Variants in EGFR observed in about 807,000 individuals in gnomAD.
EGFR encodes the protein avian erythroblastic leukemia viral (v-erb-b) oncogene homolog.
A neutral mutation model predicts 143.0 loss-of-function variants in EGFR; 58 were observed. That is an observed-to-expected ratio of 0.41 (90% CI 0.33 to 0.50). The LOEUF (loss-of-function observed/expected upper bound fraction) is 0.50. Ranked by LOEUF, EGFR falls within the 20% of genes least tolerant of loss-of-function variation. The pLI, the probability that EGFR is intolerant of heterozygous loss-of-function variation, is 0.39. For missense variants in EGFR, 1,307 were observed against 1,579.0 expected, an observed-to-expected ratio of 0.83 and a Z score of 2.92; for synonymous variants, 613 against 594.4, an observed-to-expected ratio of 1.03 and a Z score of -0.45.
At chr7:55,028,757 A>G (rs1787082273) in intron 1 of EGFR, among the ~76,000 whole-genome samples, 4 of 152,154 alleles carry the variant, frequency 2.6e-5, no homozygotes, top group Admixed American at 2.0e-4. Flanking sequence ...ATATTTTAAT[A>G]TATTATTAGA....
At chr7:55,193,160 G>A (rs1045102681) in intron 22 of EGFR, among the ~76,000 whole-genome samples, 2 of 152,134 alleles carry the variant, frequency 1.3e-5, no homozygotes, top group African/African-American at 2.4e-5. Context: ...CATTAATGTT[G>A]CCATGAATTT....
At chr7:55,071,114 C>A (rs1789797072) in intron 1 of EGFR, among the ~76,000 whole-genome samples, 1 of 152,178 alleles carries the variant, frequency 6.6e-6, no homozygotes, top group Non-Finnish European at 1.5e-5. Flanking sequence ...TCCCTAAAGC[C>A]CAGCCCTGAC....
chr7:55,059,281 T>C (rs1486310028), intron 1 of EGFR, among the ~76,000 whole-genome samples: 1 of 152,218 alleles, frequency 6.6e-6, no homozygotes, highest in East Asian at 1.9e-4. Flanking sequence ...GAAAGAACTT[T>C]CTCTTTTATT....
intron 1 of EGFR, among the ~76,000 whole-genome samples, chr7:55,025,968 C>CA (rs1198839094): frequency 2.0e-5 from 3 of 151,624 alleles, no homozygotes; most frequent in Non-Finnish European, 4.4e-5. Context: ...GTGGCTGAAC[C>CA]AAAAAAAGTA....
intron 22 of EGFR, 31 bp downstream of exon 22, chr7:55,192,872 G>A (rs1787462388): frequency 8.1e-6 from 13 of 1,598,152 alleles, no homozygotes; most frequent in Non-Finnish European, 1.0e-5. Flanking sequence ...TAATGAGTTT[G>A]TACTGAGGCC....
chr7:55,136,148 C>A (rs1794128768), intron 1 of EGFR, among the ~76,000 whole-genome samples: 2 of 152,108 alleles, frequency 1.3e-5, no homozygotes, highest in Non-Finnish European at 2.9e-5. Flanking sequence ...AATGACCGGT[C>A]CTGATTCAAT....
At chr7:55,025,755 G>GGGGTTC (rs1786844735) in intron 1 of EGFR, among the ~76,000 whole-genome samples, 1 of 152,208 alleles carries the variant, frequency 6.6e-6, no homozygotes, top group Admixed American at 6.5e-5. Context: ...AGCCACACCA[G>GGGGTTC]GGGTTCTGGA....
rs563105078 is a variant in EGFR, at chr7:55,160,026, A to G, written c.1299-113A>G. 22 of 1,146,820 alleles carry G rather than the reference A, an allele frequency of 1.9e-5. No individual in the cohort carries two copies. In the African/African-American group the frequency reaches 2.8e-4, roughly 14 times the overall value. The allele number at this position is 1,146,820 out of a possible 1,614,324, so 71.0% of individuals were successfully genotyped here. ...TGTGCCTCCCACAGCATGACCTACC[A>G]TCATTGGAAAGCAGTTTGTAGTCAA... On this transcript the variant is annotated intron_variant, in intron 11 of 27. Coordinates refer to ENST00000275493, the MANE Select transcript of EGFR (RefSeq NM_005228.5).
intron 1 of EGFR, among the ~76,000 whole-genome samples, chr7:55,038,539 A>C (rs1787728043): frequency 6.6e-6 from 1 of 152,196 alleles, no homozygotes; most frequent in Admixed American, 6.5e-5. Context: ...GTTAATAGGC[A>C]GGGGTGGAAC....
chr7:55,055,710 A>G (rs1463107481), intron 1 of EGFR, among the ~76,000 whole-genome samples: 2 of 77,408 alleles, frequency 2.6e-5, no homozygotes, highest in Non-Finnish European at 4.8e-5. Flanking sequence ...GCACGCACAC[A>G]CACACACACA....
chr7:55,104,645 G>A (rs574800209), intron 1 of EGFR, among the ~76,000 whole-genome samples: 2 of 152,338 alleles, frequency 1.3e-5, no homozygotes, highest in African/African-American at 4.8e-5. Context: ...GTCGGCGTGT[G>A]AAGTCCCAAA....
At chr7:55,043,128 G>T (rs1471471864) in intron 1 of EGFR, among the ~76,000 whole-genome samples, 1 of 152,152 alleles carries the variant, frequency 6.6e-6, no homozygotes, top group Non-Finnish European at 1.5e-5. Context: ...GTTCAAGGTG[G>T]CATGGCCGTA....
chr7:55,106,253 T>C (rs1282313458), intron 1 of EGFR, among the ~76,000 whole-genome samples: 10 of 152,248 alleles, frequency 6.6e-5, no homozygotes, highest in Non-Finnish European at 1.2e-4. Flanking sequence ...ACACGCTCAC[T>C]GCTCCCCCAG....
intron 1 of EGFR, among the ~76,000 whole-genome samples, chr7:55,045,526 T>A (rs1788136718): frequency 1.3e-5 from 2 of 152,190 alleles, no homozygotes; most frequent in Non-Finnish European, 2.9e-5. Context: ...AAAAGTGGCC[T>A]GAAGAGAGGC....
At chr7:55,191,977 C>T (rs2128964942) in intron 21 of EGFR, 103 bp downstream of exon 21, 1 of 1,549,724 alleles carries the variant, frequency 6.5e-7, no homozygotes, top group Non-Finnish European at 8.8e-7. Context: ...AGGATGCTCT[C>T]CAGACATTCT....
At chr7:55,186,971 G>A (rs371694313) in intron 20 of EGFR, among the ~76,000 whole-genome samples, 3 of 152,316 alleles carry the variant, frequency 2.0e-5, no homozygotes, top group East Asian at 3.9e-4. Context: ...AGAGCCGTGA[G>A]TCCTGCAGAC....
intron 1 of EGFR, among the ~76,000 whole-genome samples, chr7:55,139,162 G>A (rs1333120805): frequency 6.6e-6 from 1 of 152,110 alleles, no homozygotes; most frequent in Non-Finnish European, 1.5e-5. Context: ...AGAGATCAAC[G>A]TTATTGTCAC....
intron 4 of EGFR, among the ~76,000 whole-genome samples, chr7:55,149,390 C>A (rs1794920227): frequency 6.6e-6 from 1 of 152,124 alleles, no homozygotes; most frequent in Non-Finnish European, 1.5e-5. Flanking sequence ...CACACATACA[C>A]ACACACACAC....
At chr7:55,066,669 TG>T (rs1358026349) in intron 1 of EGFR, among the ~76,000 whole-genome samples, 3 of 152,154 alleles carry the variant, frequency 2.0e-5, no homozygotes, top group Non-Finnish European at 4.4e-5. Flanking sequence ...TCCACCGTGC[TG>T]GGGTGGGGTG....
Sources: gnomAD v4.1 joint callset for allele counts (sites outside exome capture counted in the v4.1 genomes callset) on GRCh38, gnomAD v4.1.1 for gene constraint, MANE v1.5 for transcripts, NCBI Gene and HGNC (gene_info 2026-07-23, HGNC 2026-07-21) for gene names.